Variants in CACNB4 observed in about 807,000 individuals in gnomAD.
CACNB4 encodes the protein calcium voltage-gated channel auxiliary subunit beta 4, also known as voltage-dependent L-type calcium channel subunit beta-4.
CACNB4 carries 32 observed loss-of-function variants against 71.2 expected under a neutral mutation model. The ratio of observed to expected loss-of-function variants is 0.45; its 90% CI spans 0.34 to 0.60. The LOEUF (loss-of-function observed/expected upper bound fraction) is 0.60, where lower values mean the gene tolerates loss of function less well. Ranked by LOEUF, CACNB4 falls within the 20% of genes least tolerant of loss-of-function variation. The pLI is 0.01. For missense variants in CACNB4, 464 were observed against 647.9 expected (o/e 0.72, Z 3.08); for synonymous variants, 231 against 236.9 (o/e 0.97, Z 0.23).
At chr2:151,953,323 G>A (rs1409754088) in intron 2 of CACNB4, among the ~76,000 whole-genome samples, 1 of 152,084 alleles carries the variant, frequency 6.6e-6, no homozygotes, top group Non-Finnish European at 1.5e-5. Context: ...TTACTCGTGT[G>A]CCCGTACCTT....
At chr2:152,021,119 C>T (rs1019805978) in intron 2 of CACNB4, among the ~76,000 whole-genome samples, 8 of 152,126 alleles carry the variant, frequency 5.3e-5, no homozygotes, top group Non-Finnish European at 8.8e-5. Context: ...TGGTGGCGAG[C>T]GCCTGTAGTC....
intron 9 of CACNB4, among the ~76,000 whole-genome samples, chr2:151,864,808 T>G (rs2099842658): frequency 6.6e-6 from 1 of 152,214 alleles, no homozygotes; most frequent in African/African-American, 2.4e-5. Context: ...TTATTCATAG[T>G]GTCCTCTGTT....
Position 152,074,448 on chromosome 2 carries a change from G to C in CACNB4, c.147+23882C>G, listed in dbSNP as rs568837807. 4.1e-5 allele frequency among the ~76,000 whole-genome samples: 6 copies of C among 145,282 alleles called. No individual in the cohort carries two copies. The East Asian group carries it at 1.2e-3, about 30-fold the overall frequency. On this transcript the variant is annotated intron_variant, in intron 2 of 13. Coordinates refer to ENST00000539935, the MANE Select transcript of CACNB4 (RefSeq NM_000726.5). Reference sequence around the variant, plus strand: ...CCACCATAACCATCACCAAGCCATCGTGGCATAATCACTACTATCACTACT... The same window carrying C: ...CCACCATAACCATCACCAAGCCATCCTGGCATAATCACTACTATCACTACT...
chr2:151,973,602 G>T (rs372028590), intron 2 of CACNB4: 40 of 1,405,648 alleles, frequency 2.8e-5, no homozygotes, highest in African/African-American at 1.6e-4. Flanking sequence ...GAAGCGGGGG[G>T]GTGGAGGGGA....
intron 2 of CACNB4, among the ~76,000 whole-genome samples, chr2:151,897,708 G>C (rs537594092): frequency 2.3e-4 from 35 of 152,226 alleles, no homozygotes; most frequent in Non-Finnish European, 4.9e-4. Flanking sequence ...TGACTACCTG[G>C]GCTGGAATTC....
At chr2:151,883,445 G>A in intron 2 of CACNB4, 75 bp from the exon 3 acceptor site, 2 of 1,510,372 alleles carry the variant, frequency 1.3e-6, no homozygotes, top group East Asian at 2.3e-5. Flanking sequence ...GTATCCTGGG[G>A]CGAGTTCTTT....
Position 152,098,800 on chromosome 2 carries a change from A to C in CACNB4, c.63+149T>G. The C allele has an allele frequency of 2.5e-6, 2 of 797,682 alleles. No homozygotes were observed. Among genetic ancestry groups the C allele is most frequent in the Non-Finnish European group, 3.9e-6 (2 of 510,188 alleles). The allele number at this position is 797,682 out of a possible 1,614,324, so 49.4% of individuals were successfully genotyped here. A position where few individuals can be genotyped will look rare whatever the true frequency, so the allele number is the denominator to read the frequency against. Reference sequence around the variant, plus strand: ...AGAGGAGGAGCGGGAGGAGAAAGGGACGTGGAGGAGGGGTGGGGGGAGCGG... The same window carrying C: ...AGAGGAGGAGCGGGAGGAGAAAGGGCCGTGGAGGAGGGGTGGGGGGAGCGG... On this transcript the variant is annotated intron_variant, in intron 1 of 13. Transcript: ENST00000539935. The surrounding 1 kb of genome is among the most constrained non-coding windows in gnomAD (Gnocchi z 5.3).
At chr2:151,956,263 T>G (rs957157061) in intron 2 of CACNB4, among the ~76,000 whole-genome samples, 62 of 152,226 alleles carry the variant, frequency 4.1e-4, no homozygotes, top group African/African-American at 1.4e-3. Context: ...ACAGCAGCAT[T>G]ATTCATAACA....
intron 2 of CACNB4, among the ~76,000 whole-genome samples, chr2:152,051,454 T>C (rs1205455098): frequency 6.6e-6 from 1 of 152,148 alleles, no homozygotes; most frequent in Non-Finnish European, 1.5e-5. Flanking sequence ...TAAGCCCTAA[T>C]CTCCAGTGTG....
chr2:151,990,661 C>T (rs1392789338), intron 2 of CACNB4, among the ~76,000 whole-genome samples: 2 of 152,180 alleles, frequency 1.3e-5, no homozygotes, highest in Non-Finnish European at 1.5e-5. Flanking sequence ...TCAGTGAACA[C>T]ATTCTGATCC....
At chr2:152,049,918 C>A (rs960045236) in intron 2 of CACNB4, among the ~76,000 whole-genome samples, 1 of 152,256 alleles carries the variant, frequency 6.6e-6, no homozygotes. Flanking sequence ...GGAACTTCTA[C>A]TGAGGGCCAA....
chr2:151,895,622 T>C (rs1559951960), intron 2 of CACNB4, among the ~76,000 whole-genome samples: 1 of 152,058 alleles, frequency 6.6e-6, no homozygotes, highest in African/African-American at 2.4e-5. Flanking sequence ...AAAAACATTA[T>C]AAATCTCTAT....
At chr2:152,044,827 A>G (rs1435795853) in intron 2 of CACNB4, among the ~76,000 whole-genome samples, 2 of 152,146 alleles carry the variant, frequency 1.3e-5, no homozygotes, top group Non-Finnish European at 2.9e-5. Flanking sequence ...TCTCGTCTCC[A>G]ATAAGAGACC....
intron 2 of CACNB4, among the ~76,000 whole-genome samples, chr2:152,093,432 T>C (rs1027688289): frequency 1.3e-5 from 2 of 151,926 alleles, no homozygotes; most frequent in Non-Finnish European, 2.9e-5. Context: ...TGTGTGTGTA[T>C]TTTTACCCAT....
chr2:152,091,974 C>G (rs1427679725), intron 2 of CACNB4, among the ~76,000 whole-genome samples: 1 of 152,220 alleles, frequency 6.6e-6, no homozygotes, highest in Non-Finnish European at 1.5e-5. Context: ...TTTCCAGGAT[C>G]TGAGAGGAAT....
At chr2:152,024,168 T>C (rs758027938) in intron 2 of CACNB4, among the ~76,000 whole-genome samples, 1 of 151,970 alleles carries the variant, frequency 6.6e-6, no homozygotes, top group Non-Finnish European at 1.5e-5. Context: ...AAAATACAAA[T>C]AAAAATTAGC....
rs755948522 is a variant in CACNB4, at chr2:151,973,759, T to C, written c.148-90389A>G. Reference sequence around the variant, plus strand: ...CACCTCTTTCAAGGCAAAAACAAAATTGCTGCAGAAACCACAGCTACAGCT... The same window carrying C: ...CACCTCTTTCAAGGCAAAAACAAAACTGCTGCAGAAACCACAGCTACAGCT... On this transcript the variant is annotated intron_variant, in intron 2 of 13. Coordinates refer to ENST00000539935, the MANE Select transcript of CACNB4 (RefSeq NM_000726.5). 8.7e-6 allele frequency: 14 copies of C among 1,602,056 alleles called. No homozygotes were observed. In the African/African-American group the frequency reaches 1.7e-4, roughly 20 times the overall value.
In CACNB4 at chr2:151,884,634, CAAAAAAAAAAAAAA is replaced by C. The variant is rs35506114; in HGVS notation, c.148-1278_148-1265del. 4.5e-3 allele frequency among the ~76,000 whole-genome samples: 279 copies of C among 61,544 alleles called. 5 individuals are homozygous for C. The highest frequency in any genetic ancestry group is 0.017 in the African/African-American group (271 of 15,886). 40.4% of individuals were successfully genotyped at this position (61,544 alleles called of 152,430 possible). A position where few individuals can be genotyped will look rare whatever the true frequency, so the allele number is the denominator to read the frequency against. ...TGGGCGACACAGCGAGACTCCGTCTCAAAAAAAAAAAAAAAAAAAAAAAAAGTTCTGAAATCCAG... is the reference window on the plus strand; with the variant it reads ...TGGGCGACACAGCGAGACTCCGTCTCAAAAAAAAAAAGTTCTGAAATCCAG... On this transcript the variant is annotated intron_variant, in intron 2 of 13. Transcript: ENST00000539935.
At chr2:151,926,584 C>T (rs1203394833) in intron 2 of CACNB4, among the ~76,000 whole-genome samples, 1 of 152,174 alleles carries the variant, frequency 6.6e-6, no homozygotes, top group Non-Finnish European at 1.5e-5. Flanking sequence ...AAAAAAATTA[C>T]ATCTGTATTT....
Sources: gnomAD v4.1 joint callset for allele counts (sites outside exome capture counted in the v4.1 genomes callset) on GRCh38, gnomAD v4.1.1 for gene constraint, Gnocchi (gnomAD v3.1) non-coding constraint, MANE v1.5 for transcripts, NCBI Gene and HGNC (gene_info 2026-07-23, HGNC 2026-07-21) for gene names.